Variants in RNF13 observed in about 807,000 individuals in gnomAD.
The protein encoded by RNF13 is ring finger protein 13.
RNF13 carries 19 observed loss-of-function variants against 37.7 expected under a neutral mutation model. The observed-to-expected ratio is 0.50, with a 90% CI of 0.35 to 0.74. The LOEUF (loss-of-function observed/expected upper bound fraction) is 0.74. Ranked by LOEUF, RNF13 falls within the 30% of genes least tolerant of loss-of-function variation. The probability of loss-of-function intolerance (pLI) is 0.01; values close to 1 mark genes in which losing one functional copy is unlikely to be tolerated. For missense variants in RNF13, 375 were observed against 453.0 expected (o/e 0.83, Z 1.56); for synonymous variants, 144 against 157.8 (o/e 0.91, Z 0.65).
At chr3:149,821,865 T>C (rs1231848106) in intron 1 of RNF13, among the ~76,000 whole-genome samples, 1 of 152,190 alleles carries the variant, frequency 6.6e-6, no homozygotes, top group Non-Finnish European at 1.5e-5. Context: ...TTGTCTTGCA[T>C]GTGAATAGTT....
At chr3:149,932,311 G>A (rs1036208027) in intron 8 of RNF13, among the ~76,000 whole-genome samples, 4 of 152,008 alleles carry the variant, frequency 2.6e-5, no homozygotes, top group African/African-American at 4.8e-5. Flanking sequence ...AGCAGTGTAC[G>A]AGTGGTCCCC....
chr3:149,872,111 T>G lies in RNF13; in HGVS notation c.278T>G (p.Phe93Cys). Reference protein sequence around the residue: ...PPVKDNSSGTFIVLIRRLDCN... With the variant: ...PPVKDNSSGTCIVLIRRLDCN... ...GTAAAAGACAATTCATCTGGCACTT[T>G]CATCGTGTTAATTAGAAGACTTGAT... Residue 93 changes from phenylalanine to cysteine, a missense_variant, in exon 4 of 10, where the codon TTC becomes TGC. Physicochemically the swap from Phe to Cys is radical, Grantham distance 205 (BLOSUM62 -2). Coordinates refer to ENST00000392894, the MANE Select transcript of RNF13 (RefSeq NM_183381.3). 5.6e-6 allele frequency: 9 copies of G among 1,600,460 alleles called. No homozygotes were observed. Among genetic ancestry groups the G allele is most frequent in the Non-Finnish European group, 7.7e-6 (9 of 1,171,042 alleles).
chr3:149,820,671 C>T (rs1719923087), intron 1 of RNF13, among the ~76,000 whole-genome samples: 1 of 152,192 alleles, frequency 6.6e-6, no homozygotes, highest in South Asian at 2.1e-4. Flanking sequence ...TAAAAATTCA[C>T]GTAATTAACC....
At chr3:149,923,836 ATTGGCTTTTCCTCTGAG>A (rs1160024970) in intron 8 of RNF13, among the ~76,000 whole-genome samples, 1 of 151,994 alleles carries the variant, frequency 6.6e-6, no homozygotes. Context: ...AAAACATGTC[ATTGGCTTTTCCTCTGAG>A]TAAGATGGGT....
intron 6 of RNF13, among the ~76,000 whole-genome samples, chr3:149,904,557 T>A (rs2108506482): frequency 1.3e-5 from 2 of 152,182 alleles, no homozygotes; most frequent in South Asian, 4.2e-4. Context: ...AGTGAAATAG[T>A]CTGTGTGCTG....
chr3:149,888,958 A>G (rs1576826763), intron 4 of RNF13, among the ~76,000 whole-genome samples: 1 of 152,170 alleles, frequency 6.6e-6, no homozygotes, highest in East Asian at 1.9e-4. Context: ...TCTTTTTTTG[A>G]GATGGAGTCT....
chr3:149,949,945 AGTT>A (rs1423114359), intron 8 of RNF13, among the ~76,000 whole-genome samples: 4 of 151,986 alleles, frequency 2.6e-5, no homozygotes, highest in East Asian at 1.9e-4. Flanking sequence ...CATTTTCTGT[AGTT>A]GTTCCATATT....
Position 149,872,115 on chromosome 3 carries a change from C to T in RNF13, c.282C>T (p.Ile94=), listed in dbSNP as rs142620410. Residue 94 remains isoleucine, a synonymous_variant, in exon 4 of 10, where the codon ATC becomes ATT. Transcript: ENST00000392894. Reference sequence around the variant, plus strand: ...AAGACAATTCATCTGGCACTTTCATCGTGTTAATTAGAAGACTTGATTGTA... The same window carrying T: ...AAGACAATTCATCTGGCACTTTCATTGTGTTAATTAGAAGACTTGATTGTA... ...PVKDNSSGTF[I]VLIRRLDCNF... 83 of 1,596,136 alleles carry T rather than the reference C, an allele frequency of 5.2e-5. No homozygotes were observed. The highest frequency in any genetic ancestry group is 1.0e-4 in the Admixed American group (6 of 57,790).
intron 3 of RNF13, among the ~76,000 whole-genome samples, chr3:149,860,273 ATATATATAT>A (rs1559912415): frequency 2.2e-5 from 2 of 92,534 alleles, no homozygotes; most frequent in African/African-American, 1.1e-4. Flanking sequence ...AAAAAAAAAT[ATATATATAT>A]ATATATATAT....
At chr3:149,854,998 C>T (rs1201332280) in intron 3 of RNF13, among the ~76,000 whole-genome samples, 1 of 152,058 alleles carries the variant, frequency 6.6e-6, no homozygotes, top group Non-Finnish European at 1.5e-5. Context: ...TTTGGAGCAC[C>T]GTGAGTGACA....
intron 8 of RNF13, among the ~76,000 whole-genome samples, chr3:149,959,764 T>C (rs879001512): frequency 2.0e-5 from 3 of 152,260 alleles, no homozygotes; most frequent in Non-Finnish European, 4.4e-5. Flanking sequence ...CATTAAATAT[T>C]TCAAAACTAG....
chr3:149,821,942 C>T (rs184025132), intron 1 of RNF13, among the ~76,000 whole-genome samples: 21 of 152,250 alleles, frequency 1.4e-4, no homozygotes, highest in Admixed American at 1.1e-3. Flanking sequence ...TCTTTAAAAT[C>T]AATTGGCTAT....
At chr3:149,907,743 G>A (rs1716570695) in intron 6 of RNF13, among the ~76,000 whole-genome samples, 1 of 152,132 alleles carries the variant, frequency 6.6e-6, no homozygotes, top group Non-Finnish European at 1.5e-5. Context: ...AGAATACCTG[G>A]GACATAGTAA....
At chr3:149,906,074 A>G (rs574317934) in intron 6 of RNF13, among the ~76,000 whole-genome samples, 2 of 152,266 alleles carry the variant, frequency 1.3e-5, no homozygotes, top group African/African-American at 2.4e-5. Flanking sequence ...GTTATTTCAC[A>G]TGAATGGAAT....
intron 3 of RNF13, among the ~76,000 whole-genome samples, chr3:149,853,524 C>T (rs1481267164): frequency 7.2e-6 from 1 of 139,530 alleles, no homozygotes; most frequent in African/African-American, 2.7e-5. Context: ...TGCTCTTTGC[C>T]CAATTTGAAA....
chr3:149,916,177 C>T (rs1717488213), intron 7 of RNF13, among the ~76,000 whole-genome samples: 2 of 151,758 alleles, frequency 1.3e-5, no homozygotes, highest in African/African-American at 4.8e-5. Flanking sequence ...GTGACCTTCT[C>T]ATAGTTATAT....
chr3:149,926,359 C>A (rs992288993), intron 8 of RNF13, among the ~76,000 whole-genome samples: 4 of 151,992 alleles, frequency 2.6e-5, no homozygotes, highest in Admixed American at 2.6e-4. Flanking sequence ...CTACAGGCGC[C>A]CGCCACCATG....
chr3:149,864,451 C>G (rs915868886), intron 3 of RNF13, among the ~76,000 whole-genome samples: 2 of 152,024 alleles, frequency 1.3e-5, no homozygotes, highest in African/African-American at 4.8e-5. Flanking sequence ...TACAAATTAC[C>G]CAGCCTCAGG....
At chr3:149,876,019 A>G (rs1444367652) in intron 4 of RNF13, among the ~76,000 whole-genome samples, 5 of 138,098 alleles carry the variant, frequency 3.6e-5, no homozygotes, top group African/African-American at 1.4e-4. Flanking sequence ...AGGCCATTAA[A>G]ATAATCACTT....
Sources: allele counts gnomAD v4.1 joint callset (sites outside exome capture counted in the v4.1 genomes callset), GRCh38; gene constraint gnomAD v4.1.1; transcripts MANE v1.5; gene names NCBI Gene and HGNC (gene_info 2026-07-23, HGNC 2026-07-21).